RBFOX1: variants seen among roughly 807,000 people sequenced by gnomAD.
The protein encoded by RBFOX1 is RNA binding protein fox-1 homolog 1.
Under a neutral mutation model 57.7 loss-of-function variants are expected in RBFOX1, and 8 were observed. The ratio of observed to expected loss-of-function variants is 0.14; its 90% confidence interval spans 0.08 to 0.25. RBFOX1 has a LOEUF of 0.25. Among genes scored for constraint, RBFOX1 ranks in the 10% least tolerant of loss-of-function variants. RBFOX1 has a pLI of 1.00. For synonymous variants in RBFOX1, 326 were observed against 222.4 expected, an observed-to-expected ratio of 1.47 and a Z score of -4.15; for missense variants, 611 against 548.5, an observed-to-expected ratio of 1.11 and a Z score of -1.14.
At chr16:6,734,758 C>T (rs914691889) in intron 3 of RBFOX1, among the ~76,000 whole-genome samples, 17 of 152,210 alleles carry the variant, frequency 1.1e-4, no homozygotes, top group African/African-American at 4.1e-4. Flanking sequence ...TACCCCTATC[C>T]AATCAGGACA....
At chr16:6,573,704 C>T (rs1486562140) in intron 2 of RBFOX1, 4 of 152,198 alleles carry the variant, frequency 2.6e-5, no homozygotes, top group African/African-American at 7.2e-5. Context: ...TGACGCGCCT[C>T]CCGAAAGAGA....
At chr16:7,257,558 T>C (rs986757409) in intron 4 of RBFOX1, among the ~76,000 whole-genome samples, 13 of 152,100 alleles carry the variant, frequency 8.5e-5, no homozygotes, top group Admixed American at 2.0e-4. Flanking sequence ...CTGTCTCCCA[T>C]TCCAGCCCAC....
chr16:5,996,612 C>T lies in RBFOX1; in HGVS notation c.351+129277C>T, dbSNP rs143443878. Reference sequence around the variant, plus strand: ...AATGGGGAAATCACAAGGGCTAATTCTGTACCCTAGGGCTAATTGCAGCAT... The same window carrying T: ...AATGGGGAAATCACAAGGGCTAATTTTGTACCCTAGGGCTAATTGCAGCAT... On this transcript the variant is annotated intron_variant, in intron 4 of 19. Transcript: ENST00000641259. Among the ~76,000 whole-genome samples, 305 of 152,170 alleles carry T rather than the reference C, an allele frequency of 2.0e-3. 1 individual carries two copies. Among genetic ancestry groups the T allele is most frequent in the African/African-American group, 6.9e-3 (288 of 41,510 alleles).
intron 4 of RBFOX1, among the ~76,000 whole-genome samples, chr16:7,406,257 C>T (rs891583506): frequency 1.3e-5 from 2 of 152,180 alleles, no homozygotes; most frequent in African/African-American, 4.8e-5. Flanking sequence ...TGCCATATGC[C>T]ATGGGCCTAC....
chr16:7,189,776 T>G (rs563100181), intron 4 of RBFOX1, among the ~76,000 whole-genome samples: 1 of 152,216 alleles, frequency 6.6e-6, no homozygotes, highest in Non-Finnish European at 1.5e-5. Context: ...TCTATAACTT[T>G]CCCTATGCAT....
At chr16:7,257,671 G>T (rs147443882) in intron 4 of RBFOX1, among the ~76,000 whole-genome samples, 257 of 152,198 alleles carry the variant, frequency 1.7e-3, no homozygotes, top group African/African-American at 6.0e-3. Context: ...AGCCATCCTT[G>T]GGTCCAGTGT....
At chr16:7,609,590 G>A (rs974903723) in intron 10 of RBFOX1, among the ~76,000 whole-genome samples, 1 of 152,138 alleles carries the variant, frequency 6.6e-6, no homozygotes, top group African/African-American at 2.4e-5. Context: ...ATATTTACTG[G>A]ATACTTTCTA....
At chr16:5,410,472 T>A (rs1425200740) in intron 1 of RBFOX1, among the ~76,000 whole-genome samples, 1 of 152,248 alleles carries the variant, frequency 6.6e-6, no homozygotes, top group Admixed American at 6.5e-5. Context: ...CAAATAAGAC[T>A]ATTTCAAGAT....
chr16:5,705,305 A>T (rs935808243), intron 3 of RBFOX1, among the ~76,000 whole-genome samples: 2 of 152,064 alleles, frequency 1.3e-5, no homozygotes, highest in African/African-American at 4.8e-5. Context: ...TGTCTTGTCC[A>T]GGCTAGGGTG....
rs1376024136 is a variant in RBFOX1, at chr16:7,710,891, T to TTTTTTTTTTA, written c.*146_*147insTTTTTTTTTA. On this transcript the variant is annotated 3_prime_UTR_variant, in exon 16 of 16. Transcript: ENST00000550418. ...AAAAAGGAAAAAAAATTACATTTTT[T>TTTTTTTTTTA]ATCTTATACCTCAGATATTTTGTTC... 1.2e-6 allele frequency: 1 copy of TTTTTTTTTTA among 849,354 alleles called. No individual in the cohort carries two copies. The highest frequency in any genetic ancestry group is 1.6e-6 in the Non-Finnish European group (1 of 620,312). The allele number at this position is 849,354 out of a possible 1,614,324, so 52.6% of individuals were successfully genotyped here. A position where few individuals can be genotyped will look rare whatever the true frequency, so the allele number is the denominator to read the frequency against.
At chr16:7,502,753 C>A (rs2071391735) in intron 4 of RBFOX1, among the ~76,000 whole-genome samples, 1 of 152,116 alleles carries the variant, frequency 6.6e-6, no homozygotes, top group Non-Finnish European at 1.5e-5. Flanking sequence ...GCTGGGAGTA[C>A]TGGCTCATGC....
chr16:7,402,149 A>G (rs760839971), intron 4 of RBFOX1, among the ~76,000 whole-genome samples: 6 of 152,178 alleles, frequency 3.9e-5, no homozygotes, highest in Non-Finnish European at 7.3e-5. Context: ...AAAAATATAT[A>G]TATTGTGTTA....
chr16:7,570,265 C>A (rs1288905270), intron 5 of RBFOX1, among the ~76,000 whole-genome samples: 3 of 151,882 alleles, frequency 2.0e-5, no homozygotes, highest in African/African-American at 7.3e-5. Context: ...CCTTCACCAG[C>A]ATCCTTGAGC....
rs183373555 is a variant in RBFOX1, at chr16:6,818,589, C to A, written c.-16+163939C>A. Among the ~76,000 whole-genome samples the A allele has an allele frequency of 7.6e-3, 1,155 of 152,302 alleles. 10 individuals carry two copies. Among genetic ancestry groups the A allele is most frequent in the Middle Eastern group, 0.027 (8 of 294 alleles). On this transcript the variant is annotated intron_variant, in intron 3 of 15. Coordinates refer to ENST00000550418, the MANE Select transcript of RBFOX1 (RefSeq NM_018723.4). ...TCTTCTAAAGTTGCTATGGCACTCT[C>A]ATTTAACCTCTAGTAGGGCATGTAT...
chr16:5,778,244 C>A (rs565454134), intron 3 of RBFOX1, among the ~76,000 whole-genome samples: 1 of 152,164 alleles, frequency 6.6e-6, no homozygotes, highest in Non-Finnish European at 1.5e-5. Flanking sequence ...GGAGACCTAA[C>A]ATTTCAAGGC....
chr16:7,061,404 G>T (rs916693176), intron 4 of RBFOX1, among the ~76,000 whole-genome samples: 1 of 152,126 alleles, frequency 6.6e-6, no homozygotes, highest in East Asian at 1.9e-4. Flanking sequence ...CAGCCAACTA[G>T]TCACAGATTT....
intron 3 of RBFOX1, among the ~76,000 whole-genome samples, chr16:6,824,026 G>C (rs1426533869): frequency 2.0e-5 from 3 of 152,188 alleles, no homozygotes; most frequent in Admixed American, 6.5e-5. Flanking sequence ...AAAGTGTAGA[G>C]TTCTCCATTA....
intron 3 of RBFOX1, among the ~76,000 whole-genome samples, chr16:5,827,233 C>T (rs1318623673): frequency 1.3e-5 from 2 of 151,850 alleles, no homozygotes; most frequent in African/African-American, 2.4e-5. Flanking sequence ...AACCCCATCT[C>T]TACTAAAATT....
chr16:6,128,118 C>G (rs1293062270), intron 1 of RBFOX1, among the ~76,000 whole-genome samples: 1 of 152,070 alleles, frequency 6.6e-6, no homozygotes, highest in Non-Finnish European at 1.5e-5. Context: ...AAAATGCACA[C>G]ATTTGAAGAG....
Sources: allele counts gnomAD v4.1 joint callset (sites outside exome capture counted in the v4.1 genomes callset), GRCh38; gene constraint gnomAD v4.1.1; transcripts MANE v1.5; gene names NCBI Gene and HGNC (gene_info 2026-07-23, HGNC 2026-07-21).